RSU1: variants seen among roughly 807,000 people sequenced by gnomAD.
RSU1 encodes Ras suppressor protein 1.
Under a neutral mutation model 31.1 loss-of-function variants are expected in RSU1, and 26 were observed. The observed-to-expected ratio is 0.84, with a 90% CI of 0.61 to 1.16. The LOEUF (loss-of-function observed/expected upper bound fraction) is 1.16. Ranked by LOEUF, RSU1 falls within the 50% of genes most tolerant of loss-of-function variation. The pLI, the probability that RSU1 is intolerant of heterozygous loss-of-function variation, is 0.00. For synonymous variants in RSU1, 164 were observed against 136.3 expected, an observed-to-expected ratio of 1.20 and a Z score of -1.41; for missense variants, 320 against 339.1, an observed-to-expected ratio of 0.94 and a Z score of 0.44.
chr10:16,765,140 A>C (rs1213135132), intron 3 of RSU1, among the ~76,000 whole-genome samples: 1 of 152,076 alleles, frequency 6.6e-6, no homozygotes, highest in Non-Finnish European at 1.5e-5. Flanking sequence ...TTGCATTGCC[A>C]CCAGAAGAAA....
At chr10:16,664,940 T>C (rs1355679033) in intron 8 of RSU1, among the ~76,000 whole-genome samples, 5 of 152,052 alleles carry the variant, frequency 3.3e-5, no homozygotes, top group Non-Finnish European at 7.4e-5. Context: ...AGTTCTTTTT[T>C]CTTTCTTTCT....
At chr10:16,653,490 T>C (rs1834721857) in intron 8 of RSU1, among the ~76,000 whole-genome samples, 1 of 152,338 alleles carries the variant, frequency 6.6e-6, no homozygotes, top group South Asian at 2.1e-4. Flanking sequence ...TGAGTATAAA[T>C]GTGCCGGGAT....
At chr10:16,610,535 A>C (rs111344252) in intron 8 of RSU1, among the ~76,000 whole-genome samples, 2,525 of 152,272 alleles carry the variant, frequency 0.017, 65 homozygotes, top group African/African-American at 0.056. Flanking sequence ...TCCCCATTGC[A>C]CATGCGAGAG....
chr10:16,599,616 C>T (rs988030025), intron 8 of RSU1, among the ~76,000 whole-genome samples: 3 of 152,238 alleles, frequency 2.0e-5, no homozygotes, highest in Non-Finnish European at 4.4e-5. Context: ...GATGAAGATT[C>T]CCAGCTACCA....
At chr10:16,808,898 G>A (rs1838339361) in intron 2 of RSU1, among the ~76,000 whole-genome samples, 1 of 152,182 alleles carries the variant, frequency 6.6e-6, no homozygotes, top group Non-Finnish European at 1.5e-5. Flanking sequence ...CAGCAGGGAT[G>A]CAGAGGGAAG....
intron 8 of RSU1, among the ~76,000 whole-genome samples, chr10:16,666,409 C>A (rs189556718): frequency 6.6e-6 from 1 of 152,320 alleles, no homozygotes; most frequent in East Asian, 1.9e-4. Context: ...CACAACTGCA[C>A]TCTCAAATAA....
chr10:16,671,877 C>T (rs544249453), intron 8 of RSU1, among the ~76,000 whole-genome samples: 6 of 151,658 alleles, frequency 4.0e-5, no homozygotes, highest in Non-Finnish European at 5.9e-5. Context: ...CGACCCCCCT[C>T]GGCCTCCCAA....
intron 2 of RSU1, among the ~76,000 whole-genome samples, chr10:16,784,747 A>C (rs1330990270): frequency 6.6e-6 from 1 of 152,162 alleles, no homozygotes; most frequent in Non-Finnish European, 1.5e-5. Context: ...AAACCATTCG[A>C]TCTCGTGAGA....
intron 3 of RSU1, among the ~76,000 whole-genome samples, chr10:16,774,097 G>T (rs1312709069): frequency 2.2e-5 from 3 of 138,272 alleles, no homozygotes; most frequent in Admixed American, 2.1e-4. Flanking sequence ...AAGGTATTCC[G>T]TTAAAAAAAA....
chr10:16,784,360 G>A (rs970111286), intron 2 of RSU1, among the ~76,000 whole-genome samples: 11 of 152,138 alleles, frequency 7.2e-5, no homozygotes, highest in African/African-American at 2.7e-4. Flanking sequence ...ATCGGTATTA[G>A]TCCATTCTGG....
intron 7 of RSU1, among the ~76,000 whole-genome samples, chr10:16,737,659 A>G (rs1336772491): frequency 1.3e-5 from 2 of 152,160 alleles, no homozygotes; most frequent in Admixed American, 1.3e-4. Flanking sequence ...ATCTACATCA[A>G]GGAAAGAAGA....
chr10:16,704,305 C>G (rs1835852499), intron 7 of RSU1, among the ~76,000 whole-genome samples: 1 of 152,116 alleles, frequency 6.6e-6, no homozygotes. Flanking sequence ...GCTTTGCATA[C>G]ATTATTCCAG....
chr10:16,756,360 T>A (rs929151671), intron 4 of RSU1, among the ~76,000 whole-genome samples: 7 of 152,306 alleles, frequency 4.6e-5, no homozygotes, highest in Non-Finnish European at 7.4e-5. Context: ...TTTTAAATCA[T>A]ACAATTGACC....
chr10:16,651,265 T>G lies in RSU1; in HGVS notation c.731+43758A>C, dbSNP rs890430942. Among the ~76,000 whole-genome samples the G allele has an allele frequency of 2.6e-5, 4 of 152,240 alleles. No homozygotes were observed. In the East Asian group the frequency reaches 7.7e-4, roughly 29 times the overall value. On this transcript the variant is annotated intron_variant, in intron 8 of 8. Transcript: ENST00000345264. ...ACCTCTTTATTCTCTTGTTTCTAGG[T>G]TAAAAGGTGTTCTGTGTTTAATGAT... is the stretch of plus-strand genomic sequence containing the variant.
At chr10:16,718,874 G>A (rs1785007077) in intron 7 of RSU1, among the ~76,000 whole-genome samples, 3 of 151,328 alleles carry the variant, frequency 2.0e-5, no homozygotes, top group Admixed American at 6.6e-5. Context: ...CCAGCTACTC[G>A]AAAGGCTGGG....
At chr10:16,600,326 G>A (rs1197658332) in intron 8 of RSU1, among the ~76,000 whole-genome samples, 2 of 152,072 alleles carry the variant, frequency 1.3e-5, no homozygotes, top group Non-Finnish European at 2.9e-5. Context: ...GGATCATGGG[G>A]AAATGATCCT....
intron 8 of RSU1, among the ~76,000 whole-genome samples, chr10:16,633,791 C>T (rs1312835495): frequency 3.3e-5 from 5 of 152,152 alleles, no homozygotes; most frequent in Non-Finnish European, 7.3e-5. Context: ...AGAGTCCCTT[C>T]CAAAAAGGCA....
chr10:16,780,403 G>A (rs539542774), intron 3 of RSU1, among the ~76,000 whole-genome samples: 4 of 152,176 alleles, frequency 2.6e-5, no homozygotes, highest in South Asian at 2.1e-4. Flanking sequence ...CACTATGTCC[G>A]GTTAATTTTT....
At chr10:16,809,832 G>GT (rs77655038) in intron 2 of RSU1, among the ~76,000 whole-genome samples, 23,048 of 152,106 alleles carry the variant, frequency 0.15, 2,220 homozygotes, top group East Asian at 0.31. Flanking sequence ...GAGTGTTATA[G>GT]TTCTTATGGT....
Sources: allele counts gnomAD v4.1 joint callset (sites outside exome capture counted in the v4.1 genomes callset), GRCh38; gene constraint gnomAD v4.1.1; transcripts MANE v1.5; gene names NCBI Gene and HGNC (gene_info 2026-07-23, HGNC 2026-07-21).